KIAA1217: variants seen among roughly 807,000 people sequenced by gnomAD.
KIAA1217 encodes the protein sickle tail protein homolog.
A neutral mutation model predicts 163.9 loss-of-function variants in KIAA1217; 88 were observed. The ratio of observed to expected loss-of-function variants is 0.54; its 90% confidence interval spans 0.45 to 0.64. The LOEUF (loss-of-function observed/expected upper bound fraction) is 0.64. Ranked by LOEUF, KIAA1217 falls within the 30% of genes least tolerant of loss-of-function variation. The pLI is 0.00. For missense variants in KIAA1217, 2,372 were observed against 2,475.0 expected (o/e 0.96, Z 0.88); for synonymous variants, 903 against 923.1 (o/e 0.98, Z 0.39).
intron 6 of KIAA1217, among the ~76,000 whole-genome samples, chr10:24,480,046 G>A (rs776261633): frequency 6.6e-5 from 10 of 152,202 alleles, no homozygotes; most frequent in East Asian, 3.9e-4. Flanking sequence ...TATCCAAACC[G>A]TAGCAGATGT....
rs767704495 is a variant in KIAA1217 at position 24,219,743 on chromosome 10, T to A, written c.188T>A (p.Ile63Asn). Residue 63 changes from isoleucine (I) to asparagine (N), a missense_variant, in exon 2 of 21, where the codon ATC (isoleucine) becomes AAC (asparagine). By Grantham distance (149) the Ile-to-Asn change is moderately radical (BLOSUM62 -3). This residue lies in a region of KIAA1217 where 1,431 missense variants were observed against 1,470.3 expected (regional missense o/e 0.97). Coordinates refer to ENST00000376454, the MANE Select transcript of KIAA1217 (RefSeq NM_019590.5). Reference sequence around the variant, plus strand: ...TCAGTTTCCAAGTCTTCCCGCAATATCCCAAGGAGACACACCCTAGGGGGG... The same window carrying A: ...TCAGTTTCCAAGTCTTCCCGCAATAACCCAAGGAGACACACCCTAGGGGGG... ...RGSVSKSSRN[I>N]PRRHTLGGPR... 100 of 1,613,772 alleles carry A rather than the reference T, an allele frequency of 6.2e-5. No individual in the cohort carries two copies. The highest frequency in any genetic ancestry group is 8.1e-5 in the Non-Finnish European group (95 of 1,179,928).
At chr10:23,802,922 G>T (rs993194799) in intron 1 of KIAA1217, among the ~76,000 whole-genome samples, 2 of 152,136 alleles carry the variant, frequency 1.3e-5, no homozygotes, top group Non-Finnish European at 2.9e-5. Flanking sequence ...AGCTAACTGT[G>T]TGACAGGCAC....
At chr10:24,095,436 A>G (rs1475425450) in intron 2 of KIAA1217, among the ~76,000 whole-genome samples, 2 of 152,190 alleles carry the variant, frequency 1.3e-5, no homozygotes, top group Non-Finnish European at 2.9e-5. Context: ...TTGATAGTCC[A>G]TAGCTTACTG....
intron 1 of KIAA1217, among the ~76,000 whole-genome samples, chr10:23,966,150 T>C (rs1713128843): frequency 6.6e-6 from 1 of 152,156 alleles, no homozygotes; most frequent in South Asian, 2.1e-4. Context: ...AATGATCTGT[T>C]GTCTCCATCT....
chr10:23,841,452 G>A (rs1470346626), intron 1 of KIAA1217, among the ~76,000 whole-genome samples: 1 of 152,134 alleles, frequency 6.6e-6, no homozygotes, highest in Non-Finnish European at 1.5e-5. Context: ...ATTGATGCAT[G>A]CTGTAAAGCA....
At position 24,164,078 on chromosome 10, in the gene KIAA1217, T is replaced by C. The variant is rs145103778; in HGVS notation, c.-170-55548T>C. On this transcript the variant is annotated intron_variant, in intron 2 of 18. Coordinates refer to the KIAA1217 transcript ENST00000376462. ...CTGCAGTGGCCTACCATATATAGAG[T>C]AGACTAGCAATGGAATGAACAGTGA... 4.1e-3 allele frequency among the ~76,000 whole-genome samples: 626 copies of C among 152,158 alleles called. 4 individuals are homozygous for C. Among genetic ancestry groups the C allele is most frequent in the African/African-American group, 0.015 (608 of 41,522 alleles).
At chr10:24,407,336 C>G (rs1437819814) in intron 3 of KIAA1217, among the ~76,000 whole-genome samples, 1 of 151,960 alleles carries the variant, frequency 6.6e-6, no homozygotes, top group African/African-American at 2.4e-5. Flanking sequence ...CTCTGTTGCC[C>G]CGGCTGGAGT....
intron 2 of KIAA1217, among the ~76,000 whole-genome samples, chr10:24,185,756 C>T (rs544346009): frequency 6.6e-6 from 1 of 151,972 alleles, no homozygotes; most frequent in Non-Finnish European, 1.5e-5. Context: ...GATGGCGCCA[C>T]TGCACTCTAG....
chr10:24,207,176 G>A (rs1363065131), upstream of KIAA1217, among the ~76,000 whole-genome samples: 6 of 151,924 alleles, frequency 3.9e-5, no homozygotes, highest in African/African-American at 7.3e-5. Flanking sequence ...GTTAAGCACG[G>A]GCTCTCTGGA....
At chr10:24,544,548 G>A in intron 19 of KIAA1217, 67 bp downstream of exon 19, 1 of 1,513,626 alleles carries the variant, frequency 6.6e-7, no homozygotes, top group Non-Finnish European at 8.8e-7. Flanking sequence ...ATCACCATTA[G>A]TGAAAGGTGT....
intron 3 of KIAA1217, among the ~76,000 whole-genome samples, chr10:24,402,065 G>A (rs773152545): frequency 6.6e-6 from 1 of 152,166 alleles, no homozygotes; most frequent in Non-Finnish European, 1.5e-5. Context: ...AATAACTGAA[G>A]AGACTATTTT....
chr10:23,849,894 C>G (rs1839223804), intron 1 of KIAA1217, among the ~76,000 whole-genome samples: 1 of 151,982 alleles, frequency 6.6e-6, no homozygotes, highest in Admixed American at 6.6e-5. Flanking sequence ...CTGCCAATTT[C>G]CAGGTACTTA....
chr10:24,296,135 A>C (rs2040573484), intron 2 of KIAA1217, among the ~76,000 whole-genome samples: 1 of 151,766 alleles, frequency 6.6e-6, no homozygotes, highest in South Asian at 2.1e-4. Context: ...ACAGGGGCCC[A>C]CTCTGTTGCC....
intron 1 of KIAA1217, among the ~76,000 whole-genome samples, chr10:23,928,779 A>G (rs1843133070): frequency 1.3e-5 from 2 of 152,210 alleles, no homozygotes; most frequent in Admixed American, 1.3e-4. Flanking sequence ...AGTAGTAAAG[A>G]CCTTGAACAC....
At chr10:24,435,137 G>A (rs2131869411) in intron 4 of KIAA1217, among the ~76,000 whole-genome samples, 1 of 152,248 alleles carries the variant, frequency 6.6e-6, no homozygotes, top group South Asian at 2.1e-4. Flanking sequence ...ACATATTTAG[G>A]CATGTGCCCA....
intron 1 of KIAA1217, among the ~76,000 whole-genome samples, chr10:23,707,831 C>T (rs978494551): frequency 7.9e-5 from 12 of 152,220 alleles, no homozygotes; most frequent in South Asian, 4.1e-4. Flanking sequence ...ATGTCATTCA[C>T]GATTTCTGCT....
chr10:23,856,252 C>A (rs1839653885), intron 1 of KIAA1217, among the ~76,000 whole-genome samples: 1 of 152,204 alleles, frequency 6.6e-6, no homozygotes, highest in Non-Finnish European at 1.5e-5. Flanking sequence ...AGCTGCAGGT[C>A]TGTTGGAGTT....
In KIAA1217 at chr10:24,521,288, C is replaced by G. The variant is rs139456709; in HGVS notation, c.2309-494C>G. On this transcript the variant is annotated intron_variant, in intron 11 of 20. Transcript: ENST00000376454. ...GAGGTTACAGTAAGCCAAGATCATG[C>G]CACTGCACTCCAGCCTGGGTGACAG... 4.6e-3 allele frequency among the ~76,000 whole-genome samples: 704 copies of G among 151,854 alleles called. 4 individuals carry two copies. The highest frequency in any genetic ancestry group is 0.015 in the African/African-American group (640 of 41,384).
At chr10:23,796,191 T>C (rs1295839090) in intron 1 of KIAA1217, among the ~76,000 whole-genome samples, 1 of 152,122 alleles carries the variant, frequency 6.6e-6, no homozygotes, top group South Asian at 2.1e-4. Flanking sequence ...TTAGGAAAGA[T>C]GCCTAGAAAG....
Sources: gnomAD v4.1 joint callset for allele counts (sites outside exome capture counted in the v4.1 genomes callset) on GRCh38, gnomAD v4.1.1 for gene constraint, gnomAD v4.1.1 regional missense constraint, MANE v1.5 for transcripts, NCBI Gene and HGNC (gene_info 2026-07-23, HGNC 2026-07-21) for gene names.